Variants in XRCC5 observed in about 807,000 individuals in gnomAD.
XRCC5 encodes the protein X-ray repair cross complementing 5.
In XRCC5, 12 loss-of-function variants were observed where a neutral mutation model predicts 95.7. That is an observed-to-expected ratio of 0.13 (90% CI 0.08 to 0.20). The LOEUF is 0.20. XRCC5 is among the 10% of genes least tolerant of loss of function. XRCC5 has a pLI of 1.00. For missense variants in XRCC5, 595 were observed against 873.9 expected, an observed-to-expected ratio of 0.68 and a Z score of 4.02; for synonymous variants, 281 against 290.3, an observed-to-expected ratio of 0.97 and a Z score of 0.33.
chr2:216,150,249 T>C (rs1159818603), intron 14 of XRCC5, among the ~76,000 whole-genome samples: 1 of 152,192 alleles, frequency 6.6e-6, no homozygotes, highest in Non-Finnish European at 1.5e-5. Flanking sequence ...TTTAATCATC[T>C]TAAGAGCTGG....
chr2:216,118,739 T>G (rs972120454), intron 4 of XRCC5, among the ~76,000 whole-genome samples: 7 of 152,218 alleles, frequency 4.6e-5, no homozygotes, highest in African/African-American at 1.7e-4. Context: ...GGGAGAATTC[T>G]TTGTTTACAT....
At chr2:216,111,276 C>T in intron 1 of XRCC5, 2 of 360,626 alleles carry the variant, frequency 5.5e-6, no homozygotes, top group South Asian at 2.0e-5. Context: ...AATCCTAGCA[C>T]TTTGGGAGGC....
intron 5 of XRCC5, among the ~76,000 whole-genome samples, chr2:216,121,210 G>A (rs948209419): frequency 2.0e-5 from 3 of 152,152 alleles, no homozygotes; most frequent in Admixed American, 2.0e-4. Flanking sequence ...TGCAAACCCT[G>A]TGTCTCACAC....
intron 13 of XRCC5, among the ~76,000 whole-genome samples, chr2:216,147,555 C>T (rs1167546726): frequency 1.3e-5 from 2 of 152,102 alleles, no homozygotes; most frequent in Admixed American, 6.5e-5. Flanking sequence ...AGTGCAAACT[C>T]AGCACTCAGG....
At chr2:216,191,570 C>G (rs1285024666) in intron 17 of XRCC5, among the ~76,000 whole-genome samples, 4 of 152,006 alleles carry the variant, frequency 2.6e-5, no homozygotes, top group African/African-American at 4.8e-5. Flanking sequence ...GCCACCACGC[C>G]CAGCTAATTT....
intron 12 of XRCC5, among the ~76,000 whole-genome samples, 152 bp from the exon 13 acceptor site, chr2:216,141,032 CTT>C (rs1290836218): frequency 1.3e-5 from 2 of 152,172 alleles, no homozygotes; most frequent in African/African-American, 2.4e-5. Context: ...AAAACCAAGA[CTT>C]GGGTTAAATA....
chr2:216,149,921 T>C (rs375790394), intron 14 of XRCC5, among the ~76,000 whole-genome samples: 73 of 152,310 alleles, frequency 4.8e-4, no homozygotes, highest in African/African-American at 1.7e-3. Flanking sequence ...TCACACACGC[T>C]TGCTCACGCT....
intron 16 of XRCC5, among the ~76,000 whole-genome samples, chr2:216,166,876 T>C (rs1328870557): frequency 6.6e-6 from 1 of 152,132 alleles, no homozygotes; most frequent in Non-Finnish European, 1.5e-5. Flanking sequence ...ACAGGTTTTG[T>C]GAGGATCTTA....
chr2:216,130,572 G>A (rs987608010), intron 8 of XRCC5: 4 of 216,694 alleles, frequency 1.8e-5, no homozygotes, highest in Non-Finnish European at 3.6e-5. Flanking sequence ...TAACTAGTAC[G>A]TTAACATTTG....
chr2:216,172,060 T>G (rs999570592), intron 16 of XRCC5, among the ~76,000 whole-genome samples: 6 of 152,204 alleles, frequency 3.9e-5, no homozygotes, highest in African/African-American at 1.4e-4. Context: ...GGTTGCAAGG[T>G]GATGCTGGCC....
At chr2:216,132,297 C>A in intron 9 of XRCC5, 28 bp from the exon 10 acceptor site, 2 of 1,608,726 alleles carry the variant, frequency 1.2e-6, no homozygotes, top group South Asian at 1.1e-5. Context: ...TATTTTGGAT[C>A]AAAAGCAATT....
intron 17 of XRCC5, among the ~76,000 whole-genome samples, chr2:216,192,086 C>T (rs563843819): frequency 2.5e-4 from 38 of 152,234 alleles, no homozygotes; most frequent in African/African-American, 7.9e-4. Flanking sequence ...GCAACCTCCG[C>T]CTCCCGGGTT....
chr2:216,131,053 T>A, intron 9 of XRCC5, 66 bp downstream of exon 9: 2 of 1,475,372 alleles, frequency 1.4e-6, no homozygotes, highest in Non-Finnish European at 1.9e-6. Flanking sequence ...TGCTTTTGAT[T>A]GGTCATTTTA....
At chr2:216,113,483 T>C (rs1015965677) in intron 2 of XRCC5, among the ~76,000 whole-genome samples, 4 of 152,238 alleles carry the variant, frequency 2.6e-5, no homozygotes, top group African/African-American at 7.2e-5. Flanking sequence ...CTCAACTTGT[T>C]TGTGACTAGT....
chr2:216,110,546 G>T (rs952387835), intron 1 of XRCC5: 1 of 152,204 alleles, frequency 6.6e-6, no homozygotes, highest in Non-Finnish European at 1.5e-5. Flanking sequence ...AGCCTGTATT[G>T]CTTCGGTATA....
intron 16 of XRCC5, among the ~76,000 whole-genome samples, chr2:216,178,569 T>C (rs1262371613): frequency 6.6e-6 from 1 of 152,234 alleles, no homozygotes; most frequent in Admixed American, 6.5e-5. Context: ...CAAGATGAGA[T>C]GAGGCATACT....
intron 5 of XRCC5, among the ~76,000 whole-genome samples, chr2:216,119,848 C>T (rs1459414838): frequency 6.6e-6 from 1 of 152,234 alleles, no homozygotes; most frequent in Non-Finnish European, 1.5e-5. Context: ...TTTCTTTTCA[C>T]TACACTAACC....
At chr2:216,184,538 G>A (rs138635556) in intron 16 of XRCC5, among the ~76,000 whole-genome samples, 41 of 152,256 alleles carry the variant, frequency 2.7e-4, no homozygotes, top group African/African-American at 8.7e-4. Context: ...GTGCAGTGGT[G>A]AGATCTTGGC....
At chr2:216,153,349 G>T (rs1357447473) in intron 14 of XRCC5, among the ~76,000 whole-genome samples, 1 of 152,102 alleles carries the variant, frequency 6.6e-6, no homozygotes, top group Non-Finnish European at 1.5e-5. Flanking sequence ...TTCCTGTGGG[G>T]GCTGCTTTTG....
Sources: allele counts gnomAD v4.1 joint callset (sites outside exome capture counted in the v4.1 genomes callset), GRCh38; gene constraint gnomAD v4.1.1; transcripts MANE v1.5; gene names NCBI Gene and HGNC (gene_info 2026-07-23, HGNC 2026-07-21).